Variants in ABR observed in about 807,000 individuals in gnomAD.
ABR encodes ABR activator of RhoGEF and GTPase, also known as active breakpoint cluster region-related protein.
A neutral mutation model predicts 107.2 loss-of-function variants in ABR; 35 were observed. That is an observed-to-expected ratio of 0.33 (90% confidence interval 0.25 to 0.43). The LOEUF is 0.43. Ranked by LOEUF, ABR falls within the 20% of genes least tolerant of loss-of-function variation. The probability of loss-of-function intolerance (pLI) is 1.00; values close to 1 mark genes in which losing one functional copy is unlikely to be tolerated. For missense variants in ABR, 815 were observed against 1,115.2 expected (o/e 0.73, Z 3.83); for synonymous variants, 498 against 462.0 (o/e 1.08, Z -1.00).
chr17:1,011,836 C>T lies in ABR; in HGVS notation c.2101+10G>A, dbSNP rs201597441. The T allele has an allele frequency of 1.6e-3, 2,575 of 1,565,742 alleles. 17 individuals are homozygous for T. In the Middle Eastern group the frequency reaches 0.03, roughly 18 times the overall value. On this transcript the variant is annotated intron_variant, in intron 19 of 22. Coordinates refer to ENST00000302538, the MANE Select transcript of ABR (RefSeq NM_021962.5). This position sits in a 1 kb window ranked among gnomAD's most constrained non-coding sequence, Gnocchi z 4.8. Reference sequence around the variant, plus strand: ...GCCACACCTGCCCCGGCTGGGCCTCCCAGACTCACTGGCATCGAAGACGGC... The same window carrying T: ...GCCACACCTGCCCCGGCTGGGCCTCTCAGACTCACTGGCATCGAAGACGGC...
At chr17:1,227,304 C>CT in intron 1 of ABR, among the ~76,000 whole-genome samples, 1 of 152,234 alleles carries the variant, frequency 6.6e-6, no homozygotes, top group East Asian at 1.9e-4. Context: ...AGATGTGGGT[C>CT]TGGGGGGAGA....
intron 2 of ABR, among the ~76,000 whole-genome samples, chr17:1,106,423 GCA>G (rs35089600): frequency 1.9e-4 from 28 of 150,782 alleles, no homozygotes; most frequent in African/African-American, 6.6e-4. Context: ...CCCTTGGCCT[GCA>G]CACACACACA....
chr17:1,157,964 C>T lies in ABR; in HGVS notation c.61+21703G>A, dbSNP rs539453851. 1.3e-5 allele frequency among the ~76,000 whole-genome samples: 2 copies of T among 152,316 alleles called. No individual in the cohort carries two copies. The highest frequency in any genetic ancestry group is 6.5e-5 in the Admixed American group (1 of 15,302). On this transcript the variant is annotated intron_variant, in intron 1 of 22. Transcript: ENST00000302538. The surrounding 1 kb of genome is among the most constrained non-coding windows in gnomAD (Gnocchi z 4.7). ...ATTACTTTATGAGGCTCATTTCAAG[C>T]GTGCATGGGTATATGTGTGTGTGCA... is the stretch of plus-strand genomic sequence containing the variant.
At chr17:1,030,221 G>GA (rs2072618306) in intron 16 of ABR, among the ~76,000 whole-genome samples, 1 of 152,230 alleles carries the variant, frequency 6.6e-6, no homozygotes, top group Non-Finnish European at 1.5e-5. Flanking sequence ...GAAAGTCTGG[G>GA]ACCTCAGGTT....
intron 1 of ABR, among the ~76,000 whole-genome samples, chr17:1,131,225 C>T (rs1314662061): frequency 2.4e-4 from 27 of 110,956 alleles, no homozygotes; most frequent in Admixed American, 3.7e-4. Flanking sequence ...CAGCTCCCCC[C>T]TCTTTGCACA....
intron 16 of ABR, among the ~76,000 whole-genome samples, chr17:1,030,018 C>T (rs970273613): frequency 6.6e-6 from 1 of 151,838 alleles, no homozygotes; most frequent in African/African-American, 2.4e-5. Context: ...AGCCCAGGGC[C>T]GGGGCCACCC....
intron 2 of ABR, among the ~76,000 whole-genome samples, chr17:1,103,243 CACCGAGAGTCGGG>C (rs2038023955): frequency 1.3e-5 from 2 of 152,104 alleles, no homozygotes; most frequent in Admixed American, 6.6e-5. Flanking sequence ...CTTCCTGAGG[CACCGAGAGTCGGG>C]ACTGCCAGAG....
chr17:1,010,812 G>A lies in ABR; in HGVS notation c.2153C>T (p.Ala718Val). The A allele has an allele frequency of 6.2e-7, 1 of 1,613,924 alleles. No individual in the cohort carries two copies. Among genetic ancestry groups the A allele is most frequent in the Non-Finnish European group, 8.5e-7 (1 of 1,180,026 alleles). Reference sequence around the variant, plus strand: ...CCGGAAGTACAGCTTGAGCGTCCCGGCGATGGCGTTGATGTCCATGTCACT... The same window carrying A: ...CCGGAAGTACAGCTTGAGCGTCCCGACGATGGCGTTGATGTCCATGTCACT... ...MLSDMDINAI[A>V]GTLKLYFREL... is the part of the protein sequence containing the mutation. The change falls in exon 20 of 23, where the codon GCC (alanine) becomes GTC (valine). Residue 718 changes from alanine to valine, a missense_variant. Transcript: ENST00000302538. The surrounding 1 kb of genome is among the most constrained non-coding windows in gnomAD (Gnocchi z 4.1).
intron 1 of ABR, among the ~76,000 whole-genome samples, chr17:1,137,904 T>C (rs1274821165): frequency 8.4e-6 from 1 of 119,134 alleles, no homozygotes; most frequent in Non-Finnish European, 1.8e-5. Context: ...CCACAATTAC[T>C]TTTTTTTTTT....
chr17:1,167,057 C>A (rs551262709), intron 1 of ABR, among the ~76,000 whole-genome samples: 1 of 152,036 alleles, frequency 6.6e-6, no homozygotes, highest in South Asian at 2.1e-4. Context: ...CCGGACCTGC[C>A]AAATCAAAAT....
rs981576855 is a variant in ABR at position 1,010,928 on chromosome 17, C to T, written c.2102-65G>A. The T allele has an allele frequency of 6.3e-6, 10 of 1,595,664 alleles. No homozygotes were observed. The African/African-American group carries it at 1.2e-4, about 19-fold the overall frequency. Reference sequence around the variant, plus strand: ...CCAGCAGCCCCGTTCCACCCCCGACCCATCCTGACACAGCCCCCACCCACT... The same window carrying T: ...CCAGCAGCCCCGTTCCACCCCCGACTCATCCTGACACAGCCCCCACCCACT... On this transcript the variant is annotated intron_variant, in intron 19 of 22. Transcript: ENST00000302538. The surrounding 1 kb of genome is among the most constrained non-coding windows in gnomAD (Gnocchi z 4.1).
At chr17:1,036,894 C>T (rs1413614069) in intron 16 of ABR, among the ~76,000 whole-genome samples, 1 of 152,170 alleles carries the variant, frequency 6.6e-6, no homozygotes, top group African/African-American at 2.4e-5. Flanking sequence ...TGGGTATTTG[C>T]AATGTTCAGA....
intron 1 of ABR, among the ~76,000 whole-genome samples, chr17:1,169,637 T>TGGGTCTGGA (rs2041634803): frequency 6.6e-6 from 1 of 152,130 alleles, no homozygotes; most frequent in African/African-American, 2.4e-5. Context: ...GGTGTGAGCC[T>TGGGTCTGGA]GGGTCTGGAG....
At chr17:1,056,392 G>A (rs1272022655) in intron 13 of ABR, among the ~76,000 whole-genome samples, 4 of 152,166 alleles carry the variant, frequency 2.6e-5, no homozygotes, top group Non-Finnish European at 5.9e-5. Flanking sequence ...CATGGGTACT[G>A]TCTCTCCCTC....
intron 16 of ABR, among the ~76,000 whole-genome samples, chr17:1,013,455 T>TG (rs1328294033): frequency 6.7e-6 from 1 of 149,064 alleles, no homozygotes; most frequent in Non-Finnish European, 1.5e-5. Context: ...TTACCCACCG[T>TG]GGGGGAGGCA....
intron 16 of ABR, among the ~76,000 whole-genome samples, chr17:1,028,617 C>A (rs759267960): frequency 6.6e-6 from 1 of 152,204 alleles, no homozygotes; most frequent in South Asian, 2.1e-4. Flanking sequence ...TCACAGAACA[C>A]GGGACTCACC....
intron 2 of ABR, among the ~76,000 whole-genome samples, chr17:1,116,518 C>T (rs1304496357): frequency 6.6e-6 from 1 of 152,134 alleles, no homozygotes; most frequent in African/African-American, 2.4e-5. Context: ...ATGAGCCAGG[C>T]CAGCCAGGTG....
intron 4 of ABR, among the ~76,000 whole-genome samples, chr17:1,086,475 AAT>A (rs2036597945): frequency 6.6e-6 from 1 of 152,182 alleles, no homozygotes; most frequent in Non-Finnish European, 1.5e-5. Context: ...TGAACTGTAA[AAT>A]ATGATATATG....
intron 1 of ABR, among the ~76,000 whole-genome samples, chr17:1,227,462 G>T (rs1024967521): frequency 2.0e-4 from 31 of 152,322 alleles, no homozygotes; most frequent in African/African-American, 6.3e-4. Flanking sequence ...GGCGGCAAGA[G>T]CATTGCCTGT....
Sources: gnomAD v4.1 joint callset for allele counts (sites outside exome capture counted in the v4.1 genomes callset) on GRCh38, gnomAD v4.1.1 for gene constraint, Gnocchi (gnomAD v3.1) non-coding constraint, MANE v1.5 for transcripts, NCBI Gene and HGNC (gene_info 2026-07-23, HGNC 2026-07-21) for gene names.